SPATA31H1: variants seen among roughly 807,000 people sequenced by gnomAD.
SPATA31H1 encodes the protein spermatogenesis-associated protein 31H1.
chr2:27,538,002 A>T, the SPATA31H1 span, among the ~76,000 whole-genome samples: 2 of 152,218 alleles, frequency 1.3e-5, no homozygotes, highest in East Asian at 1.9e-4. Context: ...GAAACCTTTT[A>T]AAAAAGAGGG....
chr2:27,558,737 A>G, the SPATA31H1 span, among the ~76,000 whole-genome samples: 68 of 70,552 alleles, frequency 9.6e-4, no homozygotes, highest in Admixed American at 2.0e-3. Context: ...CGTCTCCACC[A>G]AAAAAAACCG....
the SPATA31H1 span, among the ~76,000 whole-genome samples, chr2:27,545,285 AGTGCTGGGATTACAGGT>A: frequency 6.6e-6 from 1 of 151,900 alleles, no homozygotes; most frequent in Non-Finnish European, 1.5e-5. Flanking sequence ...GGCCTCCCAA[AGTGCTGGGATTACAGGT>A]GTGAGCCACC....
chr2:27,566,844 A>G, the SPATA31H1 span: 1 of 717,754 alleles, frequency 1.4e-6, no homozygotes, highest in South Asian at 1.5e-5. Flanking sequence ...TGACTATAAG[A>G]AAGCAAAACA....
At chr2:27,542,938 A>G in the SPATA31H1 span, among the ~76,000 whole-genome samples, 2 of 151,884 alleles carry the variant, frequency 1.3e-5, no homozygotes, top group African/African-American at 4.9e-5. Context: ...TTAGCTGGGT[A>G]TGGTGGCGTG....
chr2:27,542,212 C>T, the SPATA31H1 span, among the ~76,000 whole-genome samples: 3 of 151,778 alleles, frequency 2.0e-5, no homozygotes, highest in Non-Finnish European at 2.9e-5. Flanking sequence ...GCCTGGCAAA[C>T]ATGCTGAAAC....
At chr2:27,544,660 A>G in the SPATA31H1 span, among the ~76,000 whole-genome samples, 2 of 151,072 alleles carry the variant, frequency 1.3e-5, no homozygotes, top group Non-Finnish European at 2.9e-5. Flanking sequence ...TCAGCCTACC[A>G]AGTAGCTGGG....
the SPATA31H1 span, among the ~76,000 whole-genome samples, chr2:27,549,378 G>A: frequency 1.3e-5 from 2 of 151,020 alleles, no homozygotes; most frequent in African/African-American, 2.4e-5. Context: ...TCTTTGTGTT[G>A]TCCAGGCTGA....
chr2:27,562,823 G>GT, the SPATA31H1 span, among the ~76,000 whole-genome samples: 1 of 151,086 alleles, frequency 6.6e-6, no homozygotes, highest in Non-Finnish European at 1.5e-5. Context: ...GGAGGTGGAG[G>GT]TTGCAGTGAG....
the SPATA31H1 span, among the ~76,000 whole-genome samples, chr2:27,560,397 T>C: frequency 6.6e-6 from 1 of 152,186 alleles, no homozygotes; most frequent in Non-Finnish European, 1.5e-5. Flanking sequence ...GCATCTTAAA[T>C]TTAATAAAAT....
At chr2:27,571,281 C>T in the SPATA31H1 span, 7 of 398,256 alleles carry the variant, frequency 1.8e-5, no homozygotes, top group Admixed American at 4.4e-5. Flanking sequence ...TTCAGGATCA[C>T]ACTTGGAAGA....
At chr2:27,551,614 C>T in the SPATA31H1 span, among the ~76,000 whole-genome samples, 443 of 152,084 alleles carry the variant, frequency 2.9e-3, 6 homozygotes, top group Non-Finnish European at 4.6e-3. Flanking sequence ...CAGCATAGGC[C>T]AGGCTAGAAA....
the SPATA31H1 span, among the ~76,000 whole-genome samples, chr2:27,561,078 T>C: frequency 6.6e-6 from 1 of 152,140 alleles, no homozygotes; most frequent in Non-Finnish European, 1.5e-5. Context: ...GCACAGTGGC[T>C]CATGCACTTC....
chr2:27,582,328 G>A, the SPATA31H1 span: 5 of 1,614,188 alleles, frequency 3.1e-6, no homozygotes, highest in South Asian at 1.1e-5. Flanking sequence ...AGGCCAGGGA[G>A]GCCCTCTGGG....
chr2:27,563,036 C>T, the SPATA31H1 span, among the ~76,000 whole-genome samples: 1 of 151,842 alleles, frequency 6.6e-6, no homozygotes, highest in Non-Finnish European at 1.5e-5. Context: ...CTTCTGTATT[C>T]TTGGTTTACT....
the SPATA31H1 span, among the ~76,000 whole-genome samples, chr2:27,549,430 T>C: frequency 6.6e-6 from 1 of 151,800 alleles, no homozygotes; most frequent in Non-Finnish European, 1.5e-5. Flanking sequence ...CTTGAACTTT[T>C]GGGCTCAAGT....
At chr2:27,553,103 T>C in the SPATA31H1 span, among the ~76,000 whole-genome samples, 2 of 152,246 alleles carry the variant, frequency 1.3e-5, 1 homozygote, top group African/African-American at 4.8e-5. Flanking sequence ...TGGCAGGAGT[T>C]GCAGCCCCAG....
At chr2:27,562,688 C>G in the SPATA31H1 span, among the ~76,000 whole-genome samples, 3 of 151,154 alleles carry the variant, frequency 2.0e-5, no homozygotes, top group African/African-American at 7.3e-5. Context: ...AGTTTGAGTT[C>G]GAGACCAGCT....
the SPATA31H1 span, among the ~76,000 whole-genome samples, chr2:27,539,548 C>G: frequency 1.7e-5 from 2 of 120,912 alleles, no homozygotes; most frequent in African/African-American, 6.6e-5. Flanking sequence ...CATCCGATTT[C>G]TCAATTTTTT....
chr2:27,578,430 G>T, the SPATA31H1 span: 8 of 1,614,070 alleles, frequency 5.0e-6, no homozygotes, highest in Non-Finnish European at 6.8e-6. Context: ...ACCAATAGGA[G>T]TAGCCCTAGA....
Sources: gnomAD v4.1 joint callset for allele counts (sites outside exome capture counted in the v4.1 genomes callset) on GRCh38, gnomAD v4.1.1 for gene constraint, MANE v1.5 for transcripts, NCBI Gene and HGNC (gene_info 2026-07-23, HGNC 2026-07-21) for gene names.